ANKDD1A: variants seen among roughly 807,000 people sequenced by gnomAD.
The protein encoded by ANKDD1A is ankyrin repeat and death domain containing 1A.
In ANKDD1A, 59 loss-of-function variants were observed where a neutral mutation model predicts 63.5. That is an observed-to-expected ratio of 0.93 (90% confidence interval 0.75 to 1.15). ANKDD1A has a LOEUF of 1.15. Ranked by LOEUF, ANKDD1A falls within the 50% of genes most tolerant of loss-of-function variation. The pLI, the probability that ANKDD1A is intolerant of heterozygous loss-of-function variation, is 0.00. For synonymous variants in ANKDD1A, 266 were observed against 263.9 expected (o/e 1.01, Z -0.08); for missense variants, 632 against 656.4 (o/e 0.96, Z 0.41).
At chr15:64,935,457 C>G (rs112728494) in intron 9 of ANKDD1A, among the ~76,000 whole-genome samples, 1 of 151,864 alleles carries the variant, frequency 6.6e-6, no homozygotes, top group East Asian at 1.9e-4. Context: ...GGGCGGATCA[C>G]GAGGTCAGGA....
intron 14 of ANKDD1A, among the ~76,000 whole-genome samples, chr15:64,954,697 T>C (rs2085395140): frequency 6.8e-6 from 1 of 147,042 alleles, no homozygotes; most frequent in African/African-American, 2.6e-5. Flanking sequence ...TTCTCCTTGT[T>C]CTTCTCCTTC....
chr15:64,952,959 C>CTCTTT (rs368166014), intron 14 of ANKDD1A, among the ~76,000 whole-genome samples: 79,567 of 120,748 alleles, frequency 0.66, 23,260 homozygotes, highest in East Asian at 0.86. Flanking sequence ...CTCTTTCTTC[C>CTCTTT]TCTTCTTCTT....
At chr15:64,921,410 T>C (rs1302202382) in intron 3 of ANKDD1A, among the ~76,000 whole-genome samples, 1 of 152,246 alleles carries the variant, frequency 6.6e-6, no homozygotes, top group African/African-American at 2.4e-5. Flanking sequence ...AGTCTCACTC[T>C]GTCACTCAGG....
chr15:64,952,089 TTCC>T (rs796675710), intron 14 of ANKDD1A, among the ~76,000 whole-genome samples: 1,403 of 108,476 alleles, frequency 0.013, 37 homozygotes, highest in African/African-American at 0.042. Context: ...CCTTCTTTTC[TTCC>T]TCTTCTTCCT....
chr15:64,954,568 G>A (rs1191079409), intron 14 of ANKDD1A, among the ~76,000 whole-genome samples: 1 of 116,136 alleles, frequency 8.6e-6, no homozygotes, highest in East Asian at 2.7e-4. Context: ...CCTTCTCCTT[G>A]TTCTCCTTCT....
intron 3 of ANKDD1A, among the ~76,000 whole-genome samples, chr15:64,921,263 T>G (rs552880184): frequency 6.4e-4 from 97 of 152,342 alleles, no homozygotes; most frequent in African/African-American, 2.2e-3. Context: ...CCACACCCAG[T>G]TATGAAGCTT....
At chr15:64,942,639 G>A (rs1424390427) in intron 10 of ANKDD1A, 74 bp downstream of exon 10, 3 of 1,246,704 alleles carry the variant, frequency 2.4e-6, no homozygotes, top group Admixed American at 2.2e-5. Context: ...GCTTGGCTGT[G>A]GTCTCCTAGC....
In ANKDD1A at chr15:64,917,518, C is replaced by CGTGT. The variant is rs2084977383; in HGVS notation, c.267+5_267+8dup. The CGTGT allele has an allele frequency of 1.3e-6, 2 of 1,502,692 alleles. No homozygotes were observed. Among genetic ancestry groups the CGTGT allele is most frequent in the Non-Finnish European group, 1.8e-6 (2 of 1,121,928 alleles). The allele number at this position is 1,502,692 out of a possible 1,614,324, so 93.1% of individuals were successfully genotyped here. On this transcript the variant is annotated splice_donor_region_variant and intron_variant, in intron 3 of 14. Transcript: ENST00000319580. The stretch of plus-strand genomic sequence containing the variant: ...CCTCACAGAGGCACGTCTGTGTGTA[C>CGTGT]GTGTCTGTCTGTCTGTCTGTCTCAG...
rs1276466478 is a variant in ANKDD1A at position 64,917,498 on chromosome 15, C to G, written c.251C>G (p.Thr84Arg). The G allele has an allele frequency of 3.8e-6, 6 of 1,579,754 alleles. No individual in the cohort carries two copies. The highest frequency in any genetic ancestry group is 3.7e-5 in the Admixed American group (2 of 54,260). Reference protein sequence around the residue: ...VDEEDAVGALTEARLCFGMNA... With the variant: ...VDEEDAVGALREARLCFGMNA... ...GAGGAGGATGCGGTAGGGGCCCTCA[C>G]AGAGGCACGTCTGTGTGTACGTGTC... Residue 84 changes from threonine to arginine, a missense_variant, in exon 3 of 15, where the codon ACA (threonine) becomes AGA (arginine). Transcript: ENST00000319580.
At chr15:64,935,636 C>G (rs550755858) in intron 9 of ANKDD1A, among the ~76,000 whole-genome samples, 120 of 152,052 alleles carry the variant, frequency 7.9e-4, no homozygotes, top group African/African-American at 2.6e-3. Context: ...GATCGCACCA[C>G]TGCACTCCAG....
intron 12 of ANKDD1A, 91 bp from the exon 13 acceptor site, chr15:64,947,313 T>G: frequency 1.5e-6 from 2 of 1,322,136 alleles, no homozygotes; most frequent in Non-Finnish European, 2.1e-6. Flanking sequence ...CCAGCAGAGG[T>G]GGTAGGAGGG....
chr15:64,954,490 TCTC>T (rs1195850212), intron 14 of ANKDD1A, among the ~76,000 whole-genome samples: 3 of 144,898 alleles, frequency 2.1e-5, no homozygotes, highest in Non-Finnish European at 4.5e-5. Context: ...TCTTCTTCCT[TCTC>T]CTTCTTCTTC....
intron 6 of ANKDD1A, among the ~76,000 whole-genome samples, chr15:64,928,806 C>A (rs1259626148): frequency 1.3e-5 from 2 of 152,254 alleles, no homozygotes; most frequent in East Asian, 3.8e-4. Flanking sequence ...TGCCTTCTGC[C>A]CAGCTGTCCT....
At chr15:64,952,094 CTTCT>C (rs2085297390) in intron 14 of ANKDD1A, among the ~76,000 whole-genome samples, 1 of 71,782 alleles carries the variant, frequency 1.4e-5, no homozygotes, top group Non-Finnish European at 3.1e-5. Context: ...TTTTCTTCCT[CTTCT>C]TCCTTCTTTT....
At position 64,954,493 on chromosome 15, in the gene ANKDD1A, CCTT is replaced by C. The variant is rs1237470778; in HGVS notation, c.1484-2602_1484-2600del. ...TCTTCCTCTTTTTCTTCTTCCTTCT[CCTT>C]CTTCTTCCTTCTTCTCCTCTTTCTT... On this transcript the variant is annotated intron_variant, in intron 14 of 14. Coordinates refer to ENST00000319580, the MANE Select transcript of ANKDD1A (RefSeq NM_182703.6). Among the ~76,000 whole-genome samples the C allele has an allele frequency of 2.3e-3, 322 of 137,436 alleles. 2 individuals carry two copies. Among genetic ancestry groups the C allele is most frequent in the Admixed American group, 0.021 (284 of 13,686 alleles). 90.2% of individuals were successfully genotyped at this position (137,436 alleles called of 152,430 possible). A position where few individuals can be genotyped will look rare whatever the true frequency, so the allele number is the denominator to read the frequency against.
Position 64,936,176 on chromosome 15 carries a change from T to A in ANKDD1A, c.867+1942T>A, listed in dbSNP as rs189768797. Among the ~76,000 whole-genome samples, 7 of 152,218 alleles carry A rather than the reference T, an allele frequency of 4.6e-5. No homozygotes were observed. In the East Asian group the frequency reaches 1.3e-3, roughly 29 times the overall value. On this transcript the variant is annotated intron_variant, in intron 9 of 14. Coordinates refer to ENST00000319580, the MANE Select transcript of ANKDD1A (RefSeq NM_182703.6). ...TTATTATAAAAACAACATTACACAA[T>A]TCATTGGAATATAGAGAAGAAAGGC... is the stretch of plus-strand genomic sequence containing the variant.
intron 1 of ANKDD1A, among the ~76,000 whole-genome samples, chr15:64,913,590 T>C (rs1240514108): frequency 6.6e-6 from 1 of 152,172 alleles, no homozygotes; most frequent in Non-Finnish European, 1.5e-5. Context: ...CAGGACTGTG[T>C]GATTGCCCCC....
Position 64,944,762 on chromosome 15 carries a change from C to T in ANKDD1A, c.1161+15C>T, listed in dbSNP as rs762932051. Reference sequence around the variant, plus strand: ...GATGGGAGAAGGTACGGAGGCCTCACGCTTGATCTTTCCTCATTGGAAAGG... The same window carrying T: ...GATGGGAGAAGGTACGGAGGCCTCATGCTTGATCTTTCCTCATTGGAAAGG... On this transcript the variant is annotated intron_variant, in intron 12 of 14. Coordinates refer to ENST00000319580, the MANE Select transcript of ANKDD1A (RefSeq NM_182703.6). The T allele has an allele frequency of 1.1e-5, 18 of 1,611,538 alleles. No individual in the cohort carries two copies. In the African/African-American group the frequency reaches 1.3e-4, roughly 12 times the overall value.
intron 10 of ANKDD1A, 51 bp downstream of exon 10, chr15:64,942,616 C>A: frequency 6.7e-7 from 1 of 1,488,724 alleles, no homozygotes; most frequent in Admixed American, 1.9e-5. Context: ...TGGAAACCCT[C>A]CCAGGCTGGC....
Sources: allele counts gnomAD v4.1 joint callset (sites outside exome capture counted in the v4.1 genomes callset), GRCh38; gene constraint gnomAD v4.1.1; transcripts MANE v1.5; gene names NCBI Gene and HGNC (gene_info 2026-07-23, HGNC 2026-07-21).